Variants in MRTFB observed in about 807,000 individuals in gnomAD.
MRTFB encodes the protein myocardin related transcription factor B.
MRTFB carries 29 observed loss-of-function variants against 104.2 expected under a neutral mutation model. The observed-to-expected ratio is 0.28, with a 90% confidence interval of 0.21 to 0.38. The LOEUF is 0.38. Ranked by LOEUF, MRTFB falls within the 10% of genes least tolerant of loss-of-function variation. The pLI is 1.00. For missense variants in MRTFB, 1,270 were observed against 1,341.6 expected (o/e 0.95, Z 0.83); for synonymous variants, 535 against 519.5 (o/e 1.03, Z -0.41).
Position 14,133,640 on chromosome 16 carries a change from TAG to T in MRTFB, c.-63-6900_-63-6899del, listed in dbSNP as rs1310409557. ...TCCCTTCTGCTTTTTCTCCTTGCCT[TAG>T]AGAACTTGGAAATAGGAGTACAATA... On this transcript the variant is annotated intron_variant, in intron 2 of 16. Coordinates refer to ENST00000571589, the MANE Select transcript of MRTFB (RefSeq NM_001308142.2). Among the ~76,000 whole-genome samples the T allele has an allele frequency of 2.0e-5, 3 of 152,190 alleles. No homozygotes were observed. In the East Asian group the frequency reaches 5.8e-4, roughly 29 times the overall value.
chr16:14,106,181 T>C (rs1054789901), intron 2 of MRTFB, among the ~76,000 whole-genome samples: 1 of 152,124 alleles, frequency 6.6e-6, no homozygotes, highest in African/African-American at 2.4e-5. Flanking sequence ...ATTCTCCTGG[T>C]AAATAATAAA....
At chr16:14,006,268 G>A in the MRTFB span, among the ~76,000 whole-genome samples, 7 of 152,176 alleles carry the variant, frequency 4.6e-5, no homozygotes, top group East Asian at 1.9e-4. Context: ...ACTTGAAGCC[G>A]GGAGGCGGAG....
At chr16:14,006,535 G>C in the MRTFB span, among the ~76,000 whole-genome samples, 18,797 of 150,734 alleles carry the variant, frequency 0.12, 1,832 homozygotes, top group African/African-American at 0.27. Flanking sequence ...AGAAACGTTA[G>C]AATTATAGTT....
chr16:14,211,172 C>CT (rs1366743729), intron 4 of MRTFB, among the ~76,000 whole-genome samples: 1 of 151,826 alleles, frequency 6.6e-6, no homozygotes, highest in Admixed American at 6.6e-5. Flanking sequence ...CCAGTAAAAC[C>CT]TTTTTTTTCT....
intron 8 of MRTFB, among the ~76,000 whole-genome samples, chr16:14,224,958 G>A (rs1007533494): frequency 7.9e-5 from 12 of 152,180 alleles, no homozygotes; most frequent in East Asian, 5.8e-4. Context: ...AGGCCAAAGC[G>A]AGCGGATCAC....
chr16:14,018,031 G>T, the MRTFB span, among the ~76,000 whole-genome samples: 1 of 151,828 alleles, frequency 6.6e-6, no homozygotes, highest in African/African-American at 2.4e-5. Flanking sequence ...CTCCCTTTGA[G>T]AACTTTATGA....
chr16:14,027,997 C>T, the MRTFB span, among the ~76,000 whole-genome samples: 1 of 151,918 alleles, frequency 6.6e-6, no homozygotes, highest in Admixed American at 6.6e-5. Context: ...GCCAATGTGG[C>T]GAAATCTTGT....
chr16:14,153,472 A>G (rs1567392908), intron 3 of MRTFB, among the ~76,000 whole-genome samples: 3 of 152,200 alleles, frequency 2.0e-5, no homozygotes, highest in African/African-American at 7.2e-5. Context: ...CATAGAAATC[A>G]TGTAGCTGTT....
At chr16:14,095,968 T>C (rs1170279579) in intron 2 of MRTFB, among the ~76,000 whole-genome samples, 1 of 152,208 alleles carries the variant, frequency 6.6e-6, no homozygotes, top group Non-Finnish European at 1.5e-5. Flanking sequence ...GGGAATCATG[T>C]CAGGCAAAAT....
chr16:14,039,643 T>C, the MRTFB span, among the ~76,000 whole-genome samples: 5 of 152,200 alleles, frequency 3.3e-5, no homozygotes, highest in East Asian at 9.6e-4. Context: ...ATATTTGTAC[T>C]ACAAATATAA....
intron 2 of MRTFB, among the ~76,000 whole-genome samples, chr16:14,115,734 A>G (rs574842775): frequency 6.6e-6 from 1 of 152,336 alleles, no homozygotes; most frequent in African/African-American, 2.4e-5. Flanking sequence ...TTTGCTGCGT[A>G]TAATTCTGGT....
intron 3 of MRTFB, among the ~76,000 whole-genome samples, chr16:14,154,005 T>G (rs2038731507): frequency 1.3e-5 from 2 of 152,226 alleles, no homozygotes; most frequent in African/African-American, 4.8e-5. Context: ...TTTCTCATGC[T>G]TTTACCTTTA....
At chr16:14,101,919 C>G (rs2035724587) in intron 2 of MRTFB, among the ~76,000 whole-genome samples, 1 of 151,966 alleles carries the variant, frequency 6.6e-6, no homozygotes, top group Admixed American at 6.6e-5. Flanking sequence ...CTCAGTGTCC[C>G]TATTAGAAAG....
chr16:14,164,209 G>A (rs966613569), intron 3 of MRTFB, among the ~76,000 whole-genome samples: 10 of 151,924 alleles, frequency 6.6e-5, no homozygotes, highest in South Asian at 4.2e-4. Context: ...CCCAGCACCC[G>A]CCCCACACTG....
At chr16:14,016,779 A>G in the MRTFB span, among the ~76,000 whole-genome samples, 1 of 133,014 alleles carries the variant, frequency 7.5e-6, no homozygotes, top group African/African-American at 2.6e-5. Context: ...GCCTCAAAAA[A>G]AAAAAAAAAA....
chr16:14,262,235 GCT>G lies in MRTFB; in HGVS notation c.*794_*795del, dbSNP rs1198202510. 1 of 152,204 alleles carries G rather than the reference GCT, an allele frequency of 6.6e-6. No homozygotes were observed. Among genetic ancestry groups the G allele is most frequent in the Non-Finnish European group, 1.5e-5 (1 of 68,040 alleles). The allele number at this position is 152,204 out of a possible 1,614,324, so 9.4% of individuals were successfully genotyped here. On this transcript the variant is annotated 3_prime_UTR_variant, in exon 17 of 17. Transcript: ENST00000571589. ...GTATATATTAGACATTTGTATGTAT[GCT>G]CTGACATTGTGATTTGTACAGCCTA...
chr16:14,261,018 CCAAGTCCAAATGGCACCACCT>C lies in MRTFB; in HGVS notation c.2875_2895del (p.Gln959_Pro965del), dbSNP rs760780416. ...ATACAGTGGTGTCCCGGCCACCACC[CCAAGTCCAAATGGCACCACCT>C]GTATCTTTAGAACCTATGGGCAGTT... is the stretch of plus-strand genomic sequence containing the variant. On this transcript the variant is annotated inframe_deletion, in exon 17 of 17. Transcript: ENST00000571589. 1 of 1,614,132 alleles carries C rather than the reference CCAAGTCCAAATGGCACCACCT, an allele frequency of 6.2e-7. No individual in the cohort carries two copies. The highest frequency in any genetic ancestry group is 1.3e-5 in the African/African-American group (1 of 75,024).
chr16:14,132,328 G>A (rs1377639033), intron 2 of MRTFB, among the ~76,000 whole-genome samples: 1 of 150,418 alleles, frequency 6.6e-6, no homozygotes, highest in African/African-American at 2.4e-5. Context: ...TTTTTTTTTA[G>A]ATGAGAATGT....
At chr16:14,226,056 A>C (rs997519894) in intron 8 of MRTFB, among the ~76,000 whole-genome samples, 1 of 152,178 alleles carries the variant, frequency 6.6e-6, no homozygotes, top group Non-Finnish European at 1.5e-5. Context: ...ATGCAAAAGG[A>C]GAGGAGAATG....
Sources: gnomAD v4.1 joint callset for allele counts (sites outside exome capture counted in the v4.1 genomes callset) on GRCh38, gnomAD v4.1.1 for gene constraint, MANE v1.5 for transcripts, NCBI Gene and HGNC (gene_info 2026-07-23, HGNC 2026-07-21) for gene names.